Variants in CACNA2D3 observed in about 807,000 individuals in gnomAD.
CACNA2D3 encodes the protein voltage-dependent calcium channel subunit alpha-2/delta-3.
A neutral mutation model predicts 160.6 loss-of-function variants in CACNA2D3; 60 were observed. The observed-to-expected ratio is 0.37, with a 90% CI of 0.30 to 0.46. The LOEUF is 0.46. Ranked by LOEUF, CACNA2D3 falls within the 20% of genes least tolerant of loss-of-function variation. The pLI is 1.00. For synonymous variants in CACNA2D3, 558 were observed against 492.9 expected, an observed-to-expected ratio of 1.13 and a Z score of -1.75; for missense variants, 1,205 against 1,365.0, an observed-to-expected ratio of 0.88 and a Z score of 1.85.
chr3:54,297,655 C>T (rs1703371816), intron 2 of CACNA2D3, among the ~76,000 whole-genome samples: 4 of 150,718 alleles, frequency 2.7e-5, no homozygotes, highest in Admixed American at 2.6e-4. Flanking sequence ...TAACCTGTTC[C>T]ATCTTCTCAA....
intron 11 of CACNA2D3, 68 bp from the exon 12 acceptor site, chr3:54,752,531 A>G (rs1037528533): frequency 4.9e-6 from 5 of 1,024,612 alleles, no homozygotes; most frequent in African/African-American, 4.7e-5. Context: ...TGTGTGAGCC[A>G]TGCATGTGAT....
At chr3:54,532,437 A>G (rs1409357464) in intron 5 of CACNA2D3, among the ~76,000 whole-genome samples, 1 of 152,204 alleles carries the variant, frequency 6.6e-6, no homozygotes, top group African/African-American at 2.4e-5. Flanking sequence ...ATTATACCCA[A>G]TAAGGAATTT....
chr3:55,011,736 G>C (rs2107148036), intron 34 of CACNA2D3, among the ~76,000 whole-genome samples: 1 of 152,158 alleles, frequency 6.6e-6, no homozygotes, highest in South Asian at 2.1e-4. Context: ...ATATGAGTTA[G>C]GAAAAGAAGA....
intron 2 of CACNA2D3, among the ~76,000 whole-genome samples, chr3:54,190,953 C>T (rs1412898540): frequency 1.3e-4 from 20 of 151,790 alleles, no homozygotes; most frequent in Admixed American, 1.1e-3. Context: ...AAAGGACCCC[C>T]GCCCCAGAAC....
At chr3:54,256,560 C>G (rs1297840356) in intron 2 of CACNA2D3, among the ~76,000 whole-genome samples, 2 of 152,096 alleles carry the variant, frequency 1.3e-5, no homozygotes, top group East Asian at 1.9e-4. Context: ...GGGTTATGTA[C>G]TATTGTAGGT....
chr3:54,315,367 G>A (rs567192359), intron 2 of CACNA2D3, among the ~76,000 whole-genome samples: 11 of 152,344 alleles, frequency 7.2e-5, no homozygotes, highest in East Asian at 3.9e-4. Context: ...TGGAACAGTC[G>A]TGTAAACTGC....
rs149428382 is a variant in CACNA2D3 at position 54,303,759 on chromosome 3, C to T, written c.205-16683C>T. Among the ~76,000 whole-genome samples, 318 of 150,380 alleles carry T rather than the reference C, an allele frequency of 2.1e-3. 4 individuals carry two copies. The highest frequency in any genetic ancestry group is 7.2e-3 in the African/African-American group (293 of 40,804). Reference sequence around the variant, plus strand: ...AGCTGTTATTAGCTGCTATCTTGATCGATTAGAAGATGGATTTGGTGTGCA... The same window carrying T: ...AGCTGTTATTAGCTGCTATCTTGATTGATTAGAAGATGGATTTGGTGTGCA... On this transcript the variant is annotated intron_variant, in intron 2 of 37. Transcript: ENST00000474759.
intron 4 of CACNA2D3, among the ~76,000 whole-genome samples, chr3:54,482,712 C>G (rs1199858111): frequency 1.3e-5 from 2 of 152,148 alleles, no homozygotes; most frequent in African/African-American, 4.8e-5. Context: ...ATGTAAATGC[C>G]ACTGGGTCTC....
chr3:54,237,291 G>A (rs1328435254), intron 2 of CACNA2D3, among the ~76,000 whole-genome samples: 2 of 152,140 alleles, frequency 1.3e-5, no homozygotes, highest in Admixed American at 1.3e-4. Flanking sequence ...AAAGTTTGCC[G>A]TGCAGGGGAG....
At chr3:54,219,526 T>G (rs1701526469) in intron 2 of CACNA2D3, among the ~76,000 whole-genome samples, 1 of 152,216 alleles carries the variant, frequency 6.6e-6, no homozygotes, top group Admixed American at 6.5e-5. Flanking sequence ...TCTGTAGGTT[T>G]GGATAGTGAA....
intron 18 of CACNA2D3, among the ~76,000 whole-genome samples, chr3:54,873,348 T>C (rs896924773): frequency 3.9e-5 from 6 of 152,090 alleles, no homozygotes; most frequent in African/African-American, 1.4e-4. Context: ...GACTTTCCAT[T>C]GTTGCCCTTC....
chr3:55,011,566 T>TA (rs553045172), intron 34 of CACNA2D3, among the ~76,000 whole-genome samples: 18,337 of 151,960 alleles, frequency 0.12, 1,270 homozygotes, highest in African/African-American at 0.19. Context: ...TTGATGAAAT[T>TA]AAAAAAATGC....
intron 4 of CACNA2D3, among the ~76,000 whole-genome samples, chr3:54,417,930 G>A (rs945515341): frequency 6.6e-6 from 1 of 152,024 alleles, no homozygotes; most frequent in Admixed American, 6.6e-5. Flanking sequence ...GGGACTATAG[G>A]CATATGCCAC....
At chr3:54,468,373 G>A (rs1290599758) in intron 4 of CACNA2D3, among the ~76,000 whole-genome samples, 2 of 152,194 alleles carry the variant, frequency 1.3e-5, no homozygotes, top group Admixed American at 6.5e-5. Context: ...ATGAGGGACT[G>A]TGCCGTGAGG....
chr3:55,066,267 G>A (rs143832389), intron 35 of CACNA2D3, among the ~76,000 whole-genome samples: 97 of 152,258 alleles, frequency 6.4e-4, no homozygotes, highest in African/African-American at 2.1e-3. Context: ...CCCTGGGACC[G>A]ACTCATTGGC....
intron 9 of CACNA2D3, among the ~76,000 whole-genome samples, chr3:54,595,388 A>C (rs9815436): frequency 0.85 from 128,220 of 151,564 alleles, 54,630 homozygotes; most frequent in African/African-American, 0.96. Flanking sequence ...GTCCATACTC[A>C]TTGGTTCTGC....
At chr3:54,462,408 C>G (rs1435362912) in intron 4 of CACNA2D3, among the ~76,000 whole-genome samples, 1 of 152,166 alleles carries the variant, frequency 6.6e-6, no homozygotes. Context: ...GTGTGGGAGT[C>G]TAAGTCTCTT....
rs374126130 is a variant in CACNA2D3, at chr3:54,584,349, G to C, written c.963+2472G>C. 1.4e-4 allele frequency among the ~76,000 whole-genome samples: 22 copies of C among 152,276 alleles called. 1 individual carries two copies. The highest frequency in any genetic ancestry group is 5.1e-4 in the African/African-American group (21 of 41,564). The stretch of plus-strand genomic sequence containing the variant: ...CCAAAGGAATAGAAGTTATAAAATA[G>C]AGCCAAATGGAAATTATTGAACTGA... On this transcript the variant is annotated intron_variant, in intron 9 of 37. Transcript: ENST00000474759.
At chr3:54,810,651 A>C (rs74990955) in intron 13 of CACNA2D3, among the ~76,000 whole-genome samples, 5,871 of 152,246 alleles carry the variant, frequency 0.039, 401 homozygotes, top group African/African-American at 0.13. Context: ...TTGGCAGGAA[A>C]ATACTTTGTT....
Sources: gnomAD v4.1 joint callset for allele counts (sites outside exome capture counted in the v4.1 genomes callset) on GRCh38, gnomAD v4.1.1 for gene constraint, MANE v1.5 for transcripts, NCBI Gene and HGNC (gene_info 2026-07-23, HGNC 2026-07-21) for gene names.